The following DCAF5 variants were observed in gnomAD, a reference collection of about 807,000 sequenced individuals.
The protein encoded by DCAF5 is DDB1- and CUL4-associated factor 5.
A neutral mutation model predicts 80.7 loss-of-function variants in DCAF5; 9 were observed. The ratio of observed to expected loss-of-function variants is 0.11; its 90% confidence interval spans 0.07 to 0.19. The LOEUF (loss-of-function observed/expected upper bound fraction) is 0.19. DCAF5 is among the 10% of genes least tolerant of loss of function. DCAF5 has a pLI of 1.00. For synonymous variants in DCAF5, 433 were observed against 461.9 expected (o/e 0.94, Z 0.80); for missense variants, 842 against 1,205.7 (o/e 0.70, Z 4.47).
intron 7 of DCAF5, among the ~76,000 whole-genome samples, chr14:69,067,333 G>A (rs1473402145): frequency 1.6e-5 from 2 of 123,948 alleles, no homozygotes; most frequent in Non-Finnish European, 3.2e-5. Context: ...AGCCGATTTC[G>A]TATCTTTTTT....
chr14:69,062,353 T>C, intron 8 of DCAF5, 31 bp downstream of exon 8: 3 of 1,607,200 alleles, frequency 1.9e-6, no homozygotes, highest in Non-Finnish European at 2.6e-6. Context: ...TGAGAATTTC[T>C]CTAAAAGGAC....
At position 69,123,889 on chromosome 14, in the gene DCAF5, G is replaced by A. The variant is rs145841457; in HGVS notation, c.215-1529C>T. Among the ~76,000 whole-genome samples, 1,190 of 152,184 alleles carry A rather than the reference G, an allele frequency of 7.8e-3. 10 individuals are homozygous for A. Among genetic ancestry groups the A allele is most frequent in the African/African-American group, 0.026 (1,076 of 41,526 alleles). ...AATTTTTCGTATTTTTAGTAGAGAA[G>A]GGGTTTCACTATGTTGGCCAGGCTG... is the stretch of plus-strand genomic sequence containing the variant. On this transcript the variant is annotated intron_variant, in intron 1 of 8. Transcript: ENST00000341516.
intron 1 of DCAF5, among the ~76,000 whole-genome samples, chr14:69,132,722 TAGCAC>T (rs36214589): frequency 0.049 from 7,531 of 152,222 alleles, 600 homozygotes; most frequent in African/African-American, 0.17. Context: ...TGGGGCAGCA[TAGCAC>T]AGCACAGCAT....
chr14:69,131,747 G>GCC (rs2041044008), intron 1 of DCAF5, among the ~76,000 whole-genome samples: 1 of 147,586 alleles, frequency 6.8e-6, no homozygotes, highest in African/African-American at 2.5e-5. Context: ...AGGAAGAAAA[G>GCC]CACTTTCCAG....
chr14:69,071,230 A>G (rs143615049), intron 7 of DCAF5, among the ~76,000 whole-genome samples: 40 of 152,336 alleles, frequency 2.6e-4, no homozygotes, highest in African/African-American at 9.6e-4. Context: ...TCCTCAGCCC[A>G]CTAGGAAGTC....
chr14:69,149,568 C>G (rs1480001881), intron 1 of DCAF5: 2 of 152,190 alleles, frequency 1.3e-5, no homozygotes, highest in African/African-American at 4.8e-5. Flanking sequence ...AGGAATCATG[C>G]AAATATTATT....
rs756050295 is a variant in DCAF5, at chr14:69,117,300, G to A, written c.536-805C>T. Among the ~76,000 whole-genome samples, 9 of 152,152 alleles carry A rather than the reference G, an allele frequency of 5.9e-5. No individual in the cohort carries two copies. In the East Asian group the frequency reaches 1.3e-3, roughly 23 times the overall value. On this transcript the variant is annotated intron_variant, in intron 4 of 8. Transcript: ENST00000341516. ...GTGACTCGACCACAGCTGCTACTTCGTGCTACCTTACCTGCCTAACCCTAA... is the reference window on the plus strand; with the variant it reads ...GTGACTCGACCACAGCTGCTACTTCATGCTACCTTACCTGCCTAACCCTAA...
In DCAF5 at chr14:69,072,726, G is replaced by A. The variant is rs376466584; in HGVS notation, c.946+2619C>T. On this transcript the variant is annotated intron_variant, in intron 7 of 8. Transcript: ENST00000341516. Reference sequence around the variant, plus strand: ...TGAATCCCCAAATGAGTCAAGACATGCTAAAAATAATCTTAAAAGATACTT... The same window carrying A: ...TGAATCCCCAAATGAGTCAAGACATACTAAAAATAATCTTAAAAGATACTT... Among the ~76,000 whole-genome samples the A allele has an allele frequency of 1.1e-4, 17 of 151,830 alleles. No individual in the cohort carries two copies. In the East Asian group the frequency reaches 1.7e-3, roughly 15 times the overall value.
intron 8 of DCAF5, among the ~76,000 whole-genome samples, chr14:69,061,521 G>C (rs940342105): frequency 1.3e-5 from 2 of 152,148 alleles, no homozygotes; most frequent in African/African-American, 4.8e-5. Context: ...TCCTGGTAGA[G>C]GTGAGTTCAT....
rs1279487323 is a variant in DCAF5 at position 69,055,685 on chromosome 14, C to T, written c.1075-74G>A. ...TTCTTTCACTGGTGGTGATAAAGAA[C>T]ACCAAGGCAGAACTTCCCCAGACTC... On this transcript the variant is annotated intron_variant, in intron 8 of 8. Coordinates refer to ENST00000341516, the MANE Select transcript of DCAF5 (RefSeq NM_003861.3). This position sits in a 1 kb window ranked among gnomAD's most constrained non-coding sequence, Gnocchi z 5.6. The T allele has an allele frequency of 6.8e-7, 1 of 1,461,582 alleles. No individual in the cohort carries two copies. Among genetic ancestry groups the T allele is most frequent in the African/African-American group, 1.4e-5 (1 of 70,984 alleles). The allele number at this position is 1,461,582 out of a possible 1,614,324, so 90.5% of individuals were successfully genotyped here.
At chr14:69,090,829 G>A (rs1444257837) in intron 6 of DCAF5, 1 of 439,430 alleles carries the variant, frequency 2.3e-6, no homozygotes, top group Non-Finnish European at 4.1e-6. Flanking sequence ...ATTAGCGAGA[G>A]ACTAAGGTTT....
intron 5 of DCAF5, among the ~76,000 whole-genome samples, chr14:69,113,118 T>A (rs1209278166): frequency 6.6e-6 from 1 of 151,776 alleles, no homozygotes. Flanking sequence ...GGCTACCAAG[T>A]GGAGAGGTAT....
At position 69,051,361 on chromosome 14, in the gene DCAF5, G is replaced by C. The variant is rs1022123987; in HGVS notation, c.*2496C>G. 2 of 152,544 alleles carry C rather than the reference G, an allele frequency of 1.3e-5. No individual in the cohort carries two copies. Among genetic ancestry groups the C allele is most frequent in the Non-Finnish European group, 2.9e-5 (2 of 68,046 alleles). 9.4% of individuals were successfully genotyped at this position (152,544 alleles called of 1,614,324 possible). On this transcript the variant is annotated 3_prime_UTR_variant, in exon 9 of 9. Transcript: ENST00000341516. ...AAAGAGTTTAGGCAAAGGTACTCTA[G>C]AAGTGGTTCCTGCCAGGTTTCCAGA...
intron 7 of DCAF5, among the ~76,000 whole-genome samples, chr14:69,067,263 A>G (rs2038480579): frequency 6.6e-6 from 1 of 152,080 alleles, no homozygotes; most frequent in South Asian, 2.1e-4. Flanking sequence ...GCAGGAAAAA[A>G]AAATCTTCAC....
intron 5 of DCAF5, among the ~76,000 whole-genome samples, chr14:69,096,704 T>C (rs2039726780): frequency 6.6e-6 from 1 of 152,152 alleles, no homozygotes. Context: ...GGCAGTATAA[T>C]AACAGATTTA....
rs182285659 is a variant in DCAF5 at position 69,065,500 on chromosome 14, C to T, written c.947-2989G>A. ...TGAAAAAGAAGAGGGAATCAATAAA[C>T]CCAGAGACTGATGGTGAAAATAGGT... is the stretch of plus-strand genomic sequence containing the variant. On this transcript the variant is annotated intron_variant, in intron 7 of 8. Transcript: ENST00000341516. Among the ~76,000 whole-genome samples the T allele has an allele frequency of 4.1e-3, 627 of 152,248 alleles. 11 individuals carry two copies. Among genetic ancestry groups the T allele is most frequent in the Non-Finnish European group, 4.3e-3 (293 of 68,012 alleles).
intron 1 of DCAF5, among the ~76,000 whole-genome samples, chr14:69,135,629 T>C (rs1358403242): frequency 6.6e-6 from 1 of 152,204 alleles, no homozygotes; most frequent in Non-Finnish European, 1.5e-5. Context: ...GATGAGCCTG[T>C]CACCTCAAGG....
intron 1 of DCAF5, among the ~76,000 whole-genome samples, chr14:69,137,845 T>C (rs2041242719): frequency 6.6e-6 from 1 of 152,248 alleles, no homozygotes; most frequent in Non-Finnish European, 1.5e-5. Flanking sequence ...TATAATATTA[T>C]AATTGTTCTA....
chr14:69,082,252 G>A (rs987376001), intron 6 of DCAF5, among the ~76,000 whole-genome samples: 4 of 152,180 alleles, frequency 2.6e-5, no homozygotes, highest in African/African-American at 9.7e-5. Flanking sequence ...GGGCAAAGCC[G>A]TAGATTTATT....
Sources: gnomAD v4.1 joint callset for allele counts (sites outside exome capture counted in the v4.1 genomes callset) on GRCh38, gnomAD v4.1.1 for gene constraint, Gnocchi (gnomAD v3.1) non-coding constraint, MANE v1.5 for transcripts, NCBI Gene and HGNC (gene_info 2026-07-23, HGNC 2026-07-21) for gene names.